Variants in OTOG observed in about 807,000 individuals in gnomAD.
OTOG encodes otogelin.
Under a neutral mutation model 313.8 loss-of-function variants are expected in OTOG, and 296 were observed. That is an observed-to-expected ratio of 0.94 (90% CI 0.86 to 1.04). The LOEUF (loss-of-function observed/expected upper bound fraction) is 1.04, where lower values mean the gene tolerates loss of function less well. Among genes scored for constraint, OTOG ranks in the 50% least tolerant of loss-of-function variants. The pLI, the probability that OTOG is intolerant of heterozygous loss-of-function variation, is 0.00. For synonymous variants in OTOG, 1,533 were observed against 1,554.9 expected, an observed-to-expected ratio of 0.99 and a Z score of 0.33; for missense variants, 3,948 against 3,840.1, an observed-to-expected ratio of 1.03 and a Z score of -0.74.
rs116005764 is a variant in OTOG at position 17,584,859 on chromosome 11, G to A, written c.2760-1615G>A. On this transcript the variant is annotated intron_variant, in intron 23 of 55. Transcript: ENST00000399397. ...GATTTTATTTATTGGAGTATCATAT[G>A]ATATTTTCCCTTTATTTTATAAATG... Among the ~76,000 whole-genome samples the A allele has an allele frequency of 5.6e-3, 848 of 152,300 alleles. 10 individuals are homozygous for A. Among genetic ancestry groups the A allele is most frequent in the African/African-American group, 0.019 (796 of 41,558 alleles).
chr11:17,638,686 A>G, intron 48 of OTOG, 137 bp downstream of exon 48: 1 of 1,505,458 alleles, frequency 6.6e-7, no homozygotes, highest in Non-Finnish European at 9.0e-7. Flanking sequence ...AAGCCACCAG[A>G]ATCACCTTCC....
chr11:17,581,857 G>A (rs1852675519), intron 23 of OTOG, among the ~76,000 whole-genome samples: 1 of 152,154 alleles, frequency 6.6e-6, no homozygotes, highest in Admixed American at 6.5e-5. Context: ...GCCCCCACCA[G>A]CATTGCTGTG....
rs1177996567 is a variant in OTOG at position 17,645,618 on chromosome 11, A to G, written c.8516A>G (p.Lys2839Arg). Residue 2839 changes from lysine (K) to arginine (R), a missense_variant, in exon 55 of 56, where the codon AAG becomes AGG. Lys to Arg is a conservative substitution (Grantham distance 26, BLOSUM62 2). Coordinates refer to ENST00000399397, the MANE Select transcript of OTOG (RefSeq NM_001292063.2). ...GTGACCATCCGCATGACCATCCGCA[A>G]GAATGAATGCAGGAGCAGCACCCCT... ...KKVTIRMTIRKNECRSSTPVN... is the reference protein window; with the variant it reads ...KKVTIRMTIRRNECRSSTPVN... 4 of 1,550,686 alleles carry G rather than the reference A, an allele frequency of 2.6e-6. No individual in the cohort carries two copies. In the East Asian group the frequency reaches 9.8e-5, roughly 38 times the overall value.
rs996942735 is a variant in OTOG at position 17,612,664 on chromosome 11, G to A, written c.6337G>A (p.Gly2113Arg). The change falls in exon 38 of 56, where the codon GGG (glycine) becomes AGG (arginine). Residue 2113 changes from glycine to arginine, a missense_variant. Coordinates refer to ENST00000399397, the MANE Select transcript of OTOG (RefSeq NM_001292063.2). The stretch of plus-strand genomic sequence containing the variant: ...TGACCTGAGCTTCGTGACCTTCGAT[G>A]GGAGCCACGTAGCTCTGTTCAAGGA... ...FPDLSFVTFD[G>R]SHVALFKEAI... 19 of 1,550,462 alleles carry A rather than the reference G, an allele frequency of 1.2e-5. No homozygotes were observed. In the African/African-American group the frequency reaches 2.2e-4, roughly 18 times the overall value.
rs1853580756 is a variant in OTOG at position 17,612,341 on chromosome 11, G to C, written c.6292+11G>C. The C allele has an allele frequency of 2.0e-6, 3 of 1,519,542 alleles. No individual in the cohort carries two copies. Among genetic ancestry groups the C allele is most frequent in the Non-Finnish European group, 2.6e-6 (3 of 1,136,202 alleles). 94.1% of individuals were successfully genotyped at this position (1,519,542 alleles called of 1,614,324 possible). A position where few individuals can be genotyped will look rare whatever the true frequency, so the allele number is the denominator to read the frequency against. ...TCTGGGAGTGTGCCTGTGAGTCATGGGATCAGCGGAGCCTCCTGCATCCTC... is the reference window on the plus strand; with the variant it reads ...TCTGGGAGTGTGCCTGTGAGTCATGCGATCAGCGGAGCCTCCTGCATCCTC... On this transcript the variant is annotated intron_variant, in intron 37 of 55. Coordinates refer to ENST00000399397, the MANE Select transcript of OTOG (RefSeq NM_001292063.2).
chr11:17,573,078 C>G lies in OTOG; in HGVS notation c.2081C>G (p.Ala694Gly). 1 of 1,541,662 alleles carries G rather than the reference C, an allele frequency of 6.5e-7. No homozygotes were observed. The highest frequency in any genetic ancestry group is 1.2e-5 in the South Asian group (1 of 83,686). The change falls in exon 19 of 56, where the codon GCC becomes GGC. Residue 694 changes from alanine (A) to glycine (G), a missense_variant and splice_region_variant. Transcript: ENST00000399397. ...CTGGCTCCTGTTCTTCCTTCCCCAG[C>G]CTCCTACTCAGTGCAGGCCTGCAGC... ...LDPCDVHLQAASYSVQACSVL... is the reference protein window; with the variant it reads ...LDPCDVHLQAGSYSVQACSVL...
At chr11:17,584,467 T>C (rs1342563776) in intron 23 of OTOG, among the ~76,000 whole-genome samples, 1 of 152,160 alleles carries the variant, frequency 6.6e-6, no homozygotes, top group Non-Finnish European at 1.5e-5. Flanking sequence ...TTGGGGAAGT[T>C]TCTTTTTATT....
Position 17,611,441 on chromosome 11 carries a change from G to T in OTOG, c.6123+18G>T. 1 of 1,496,234 alleles carries T rather than the reference G, an allele frequency of 6.7e-7. No homozygotes were observed. The highest frequency in any genetic ancestry group is 1.4e-5 in the African/African-American group (1 of 71,640). The allele number at this position is 1,496,234 out of a possible 1,614,324, so 92.7% of individuals were successfully genotyped here. ...CCTGTGTTGTGAGTGATTTGCCAGG[G>T]TTCTGGCCACCCGTATGTGACCCTT... On this transcript the variant is annotated intron_variant, in intron 36 of 55. Coordinates refer to ENST00000399397, the MANE Select transcript of OTOG (RefSeq NM_001292063.2).
rs56402246 is a variant in OTOG, at chr11:17,548,418, CTTTTTTTTTTTTTT to C, written c.216+231_216+244del. Among the ~76,000 whole-genome samples the C allele has an allele frequency of 0.019, 1,677 of 87,482 alleles. 78 individuals are homozygous for C. The highest frequency in any genetic ancestry group is 0.073 in the African/African-American group (1,534 of 20,984). The allele number at this position is 87,482 out of a possible 152,430, so 57.4% of individuals were successfully genotyped here. The stretch of plus-strand genomic sequence containing the variant: ...ATCTCTTGGGGGTCTATAGTCCACT[CTTTTTTTTTTTTTT>C]TTTTTTTTTTTTTTTTTTTTTTTTA... On this transcript the variant is annotated intron_variant, in intron 3 of 55. Coordinates refer to ENST00000399397, the MANE Select transcript of OTOG (RefSeq NM_001292063.2).
At position 17,593,231 on chromosome 11, in the gene OTOG, T is replaced by A. The variant is rs1396011143; in HGVS notation, c.3045T>A (p.Asn1015Lys). Residue 1015 changes from asparagine (N) to lysine (K), a missense_variant, in exon 26 of 56, where the codon AAT becomes AAA. Asn to Lys is a moderately conservative substitution (Grantham distance 94, BLOSUM62 0). Transcript: ENST00000399397. ...TCAGCTTCTCTGTGATTGTAGAGAATGTGAACTGCTACAGCTCTGGCATGA... is the reference window on the plus strand; with the variant it reads ...TCAGCTTCTCTGTGATTGTAGAGAAAGTGAACTGCTACAGCTCTGGCATGA... ...SDVSFSVIVENVNCYSSGMIC... is the reference protein window; with the variant it reads ...SDVSFSVIVEKVNCYSSGMIC... 6.5e-7 allele frequency: 1 copy of A among 1,550,098 alleles called. No homozygotes were observed.
intron 11 of OTOG, 34 bp downstream of exon 11, chr11:17,559,195 T>A: frequency 6.8e-7 from 1 of 1,464,538 alleles, no homozygotes; most frequent in South Asian, 1.3e-5. Context: ...CAGGGAGGCC[T>A]TCAGGCTGTG....
chr11:17,577,315 G>C (rs914502434), intron 22 of OTOG, among the ~76,000 whole-genome samples: 1 of 152,184 alleles, frequency 6.6e-6, no homozygotes, highest in Non-Finnish European at 1.5e-5. Context: ...AGGTAGGCAG[G>C]ACAGCCTGGG....
chr11:17,618,428 A>G (rs1452024171), intron 39 of OTOG, among the ~76,000 whole-genome samples: 1 of 152,090 alleles, frequency 6.6e-6, no homozygotes, highest in East Asian at 1.9e-4. Context: ...ATTTAATTTC[A>G]TTGTGTTCAT....
At chr11:17,573,372 C>G in intron 19 of OTOG, 82 bp downstream of exon 19, 1 of 1,367,748 alleles carries the variant, frequency 7.3e-7, no homozygotes, top group Non-Finnish European at 9.7e-7. Context: ...AAAGTCTCCA[C>G]TGGGATGCCC....
At chr11:17,551,057 T>C (rs1851920023) in intron 3 of OTOG, among the ~76,000 whole-genome samples, 1 of 150,406 alleles carries the variant, frequency 6.6e-6, no homozygotes, top group Non-Finnish European at 1.5e-5. Context: ...ACAGTGCAGT[T>C]TGTGGCTTGT....
At chr11:17,643,074 T>C (rs1330828820) in intron 53 of OTOG, among the ~76,000 whole-genome samples, 1 of 152,192 alleles carries the variant, frequency 6.6e-6, no homozygotes, top group Non-Finnish European at 1.5e-5. Flanking sequence ...AGGAAGAGGA[T>C]GATTTGTCCA....
At chr11:17,578,345 C>T (rs1377440397) in intron 22 of OTOG, 28 bp from the exon 23 acceptor site, 11 of 1,467,010 alleles carry the variant, frequency 7.5e-6, no homozygotes, top group Non-Finnish European at 9.9e-6. Flanking sequence ...GGCCCCAGGG[C>T]CTCCGCTCCC....
At position 17,596,871 on chromosome 11, in the gene OTOG, C is replaced by G; in HGVS notation, c.3546C>G (p.Tyr1182Ter). 1 of 1,551,130 alleles carries G rather than the reference C, an allele frequency of 6.4e-7. No homozygotes were observed. ...TCCAGGTTGATGTCACTTGGTTTTA[C>G]TCAAACTGCCTGACAGACACATGTG... Reference protein sequence around the residue: ...CHPVVDVTWFYSNCLTDTCGC... With the variant: ...CHPVVDVTWF Residue 1182 changes from tyrosine to a stop codon, truncating the protein, a stop_gained, in exon 30 of 56, where the codon TAC becomes TAG. Coordinates refer to ENST00000399397, the MANE Select transcript of OTOG (RefSeq NM_001292063.2). LOFTEE classifies it high-confidence loss of function.
chr11:17,642,328 A>G, intron 53 of OTOG, 82 bp downstream of exon 53: 1 of 1,450,468 alleles, frequency 6.9e-7, no homozygotes, highest in Non-Finnish European at 9.1e-7. Flanking sequence ...TCCTGTGTGC[A>G]GGAGTGCAGG....
Sources: gnomAD v4.1 joint callset for allele counts (sites outside exome capture counted in the v4.1 genomes callset) on GRCh38, gnomAD v4.1.1 for gene constraint, MANE v1.5 for transcripts, NCBI Gene and HGNC (gene_info 2026-07-23, HGNC 2026-07-21) for gene names.